The following DNAH17 variants were observed in gnomAD, a reference collection of about 807,000 sequenced individuals.
DNAH17 encodes axonemal beta dynein heavy chain 17.
A neutral mutation model predicts 485.6 loss-of-function variants in DNAH17; 376 were observed. The ratio of observed to expected loss-of-function variants is 0.77; its 90% CI spans 0.71 to 0.84. The LOEUF (loss-of-function observed/expected upper bound fraction) is 0.84, where lower values mean the gene tolerates loss of function less well. Among genes scored for constraint, DNAH17 ranks in the 40% least tolerant of loss-of-function variants. The probability of loss-of-function intolerance (pLI) is 0.00; values close to 1 mark genes in which losing one functional copy is unlikely to be tolerated. For missense variants in DNAH17, 6,370 were observed against 5,839.3 expected (o/e 1.09, Z -2.96); for synonymous variants, 3,031 against 2,405.9 (o/e 1.26, Z -7.60).
chr17:78,497,686 TG>T, intron 37 of DNAH17, among the ~76,000 whole-genome samples: 1 of 152,286 alleles, frequency 6.6e-6, no homozygotes, highest in East Asian at 1.9e-4. Context: ...GGGGAATGAC[TG>T]AGGCAGAGGG....
chr17:78,428,924 TA>T lies in DNAH17; in HGVS notation c.12405+196del, dbSNP rs11409298. ...TTCCCTGAGGCTGCATTTCTTTCTTTAAAAAAAAAAAAAAAAAAAAAAGGTT... is the reference window on the plus strand; with the variant it reads ...TTCCCTGAGGCTGCATTTCTTTCTTTAAAAAAAAAAAAAAAAAAAAAGGTT... On this transcript the variant is annotated intron_variant, in intron 76 of 80. Coordinates refer to ENST00000389840, the MANE Select transcript of DNAH17 (RefSeq NM_173628.4). 2.6e-3 allele frequency among the ~76,000 whole-genome samples: 264 copies of T among 103,286 alleles called. 1 individual carries two copies. The highest frequency in any genetic ancestry group is 0.024 in the Admixed American group (226 of 9,268). 67.8% of individuals were successfully genotyped at this position (103,286 alleles called of 152,430 possible).
At chr17:78,543,085 G>C (rs562136435) in intron 17 of DNAH17, among the ~76,000 whole-genome samples, 1 of 150,766 alleles carries the variant, frequency 6.6e-6, no homozygotes, top group Non-Finnish European at 1.5e-5. Context: ...ACTACTTAAA[G>C]ATAAGGCTCG....
rs3209030 is a variant in DNAH17, at chr17:78,427,070, C to T, written c.12627G>A (p.Pro4209=). ...TGATCTCAGCCATGTTGAAAGTCTC[C>T]GGAATCTTCTCCAGGATGTCGTCCA... is the stretch of plus-strand genomic sequence containing the variant. The part of the protein sequence containing the change: ...AVLDDILEKI[P]ETFNMAEIMA... Residue 4209 remains proline (P), a synonymous_variant, in exon 78 of 81, where the codon CCG becomes CCA. Transcript: ENST00000389840. 0.091 allele frequency: 144,524 copies of T among 1,591,330 alleles called. 7,002 individuals carry two copies. Among genetic ancestry groups the T allele is most frequent in the Middle Eastern group, 0.16 (952 of 6,044 alleles).
intron 56 of DNAH17, among the ~76,000 whole-genome samples, chr17:78,466,441 AT>A (rs2088460086): frequency 6.6e-6 from 1 of 151,284 alleles, no homozygotes; most frequent in South Asian, 2.1e-4. Flanking sequence ...TCAATAAAAA[AT>A]AAATAAATTA....
At chr17:78,539,972 A>G in intron 17 of DNAH17, 92 bp from the exon 18 acceptor site, 2 of 1,307,208 alleles carry the variant, frequency 1.5e-6, no homozygotes, top group Non-Finnish European at 2.0e-6. Context: ...CCGCCCGTCC[A>G]TGTTCACACG....
Position 78,558,144 on chromosome 17 carries a change from C to G in DNAH17, c.2142G>C (p.Val714=). Residue 714 remains valine (V), a synonymous_variant, in exon 14 of 81, where the codon GTG becomes GTC. Transcript: ENST00000389840. ...AGCCAACGATGAGCTCCAGGTTGCC[C>G]ACAAACTTCCGGAAAGTTTCGTTCT... ...FSENETFRKF[V]GNLELIVGWY... is the part of the protein sequence containing the mutation. 2 of 1,613,810 alleles carry G rather than the reference C, an allele frequency of 1.2e-6. No individual in the cohort carries two copies. The highest frequency in any genetic ancestry group is 1.7e-6 in the Non-Finnish European group (2 of 1,179,844).
rs775199916 is a variant in DNAH17, at chr17:78,480,791, G to C, written c.7650-5C>G. The C allele has an allele frequency of 6.2e-7, 1 of 1,607,466 alleles. No individual in the cohort carries two copies. The highest frequency in any genetic ancestry group is 1.7e-5 in the Admixed American group (1 of 59,482). Reference sequence around the variant, plus strand: ...GTCAGCTTATGTCTGTCATACCTGAGGGGGGAAACCAGCATTCATGTTGTG... The same window carrying C: ...GTCAGCTTATGTCTGTCATACCTGACGGGGGAAACCAGCATTCATGTTGTG... On this transcript the variant is annotated splice_polypyrimidine_tract_variant and splice_region_variant and intron_variant, in intron 48 of 80. Coordinates refer to ENST00000389840, the MANE Select transcript of DNAH17 (RefSeq NM_173628.4).
At chr17:78,474,010 A>T (rs1016880112) in intron 54 of DNAH17, among the ~76,000 whole-genome samples, 1 of 152,190 alleles carries the variant, frequency 6.6e-6, no homozygotes, top group African/African-American at 2.4e-5. Flanking sequence ...GCCCCTTTAT[A>T]CATGGAGTAG....
intron 68 of DNAH17, 165 bp downstream of exon 68, chr17:78,450,089 C>T: frequency 1.3e-6 from 1 of 790,920 alleles, no homozygotes; most frequent in Non-Finnish European, 2.0e-6. Context: ...CTGATGGGGG[C>T]CCCTGGCTCC....
At chr17:78,544,535 G>T (rs145291211) in intron 16 of DNAH17, among the ~76,000 whole-genome samples, 2 of 152,196 alleles carry the variant, frequency 1.3e-5, no homozygotes, top group Non-Finnish European at 2.9e-5. Flanking sequence ...GGGCGCGGTG[G>T]CCCATGCCTG....
At position 78,490,765 on chromosome 17, in the gene DNAH17, G is replaced by A. The variant is rs1253197417; in HGVS notation, c.6752C>T (p.Ala2251Val). Reference protein sequence around the residue: ...LVFEISHLRTATPATVSRAGI... With the variant: ...LVFEISHLRTVTPATVSRAGI... ...GGCTCTGGAAACGGTGGCTGGGGTGGCCGTCCTCAGGTGGCTGATTTCGAA... is the reference window on the plus strand; with the variant it reads ...GGCTCTGGAAACGGTGGCTGGGGTGACCGTCCTCAGGTGGCTGATTTCGAA... Residue 2251 changes from alanine to valine, a missense_variant, in exon 44 of 81, where the codon GCC becomes GTC. Coordinates refer to ENST00000389840, the MANE Select transcript of DNAH17 (RefSeq NM_173628.4). The A allele has an allele frequency of 6.2e-7, 1 of 1,605,312 alleles. No homozygotes were observed. Among genetic ancestry groups the A allele is most frequent in the Non-Finnish European group, 8.5e-7 (1 of 1,176,168 alleles).
chr17:78,448,285 G>T (rs147874090), intron 69 of DNAH17, among the ~76,000 whole-genome samples: 9 of 151,712 alleles, frequency 5.9e-5, no homozygotes, highest in African/African-American at 2.2e-4. Flanking sequence ...GATCACTTGA[G>T]CCCAGGAGTT....
intron 54 of DNAH17, among the ~76,000 whole-genome samples, chr17:78,470,375 T>A (rs1399620947): frequency 6.7e-6 from 1 of 149,896 alleles, no homozygotes; most frequent in African/African-American, 2.4e-5. Context: ...GCCGAAAATG[T>A]CTATTTGTCT....
chr17:78,532,009 A>C (rs937702344), intron 20 of DNAH17, among the ~76,000 whole-genome samples: 1 of 152,176 alleles, frequency 6.6e-6, no homozygotes, highest in Non-Finnish European at 1.5e-5. Flanking sequence ...CCCGGAGCCC[A>C]CACCTCCGAC....
chr17:78,551,026 C>A (rs1338120593), intron 16 of DNAH17, among the ~76,000 whole-genome samples: 1 of 152,150 alleles, frequency 6.6e-6, no homozygotes, highest in Non-Finnish European at 1.5e-5. Flanking sequence ...CAAGACCAGC[C>A]TGGGCAACAT....
At position 78,567,077 on chromosome 17, in the gene DNAH17, GGT is replaced by G; in HGVS notation, c.1372_1373del (p.Thr458ProfsTer4). 2 of 1,613,538 alleles carry G rather than the reference GGT, an allele frequency of 1.2e-6. No individual in the cohort carries two copies. Among genetic ancestry groups the G allele is most frequent in the South Asian group, 2.2e-5 (2 of 90,940 alleles). ...GCTCAAAGACCTCATCATAGATACGGGTCACCAGGCTCCCGAGGAGGTTCCCA... is the reference window on the plus strand; with the variant it reads ...GCTCAAAGACCTCATCATAGATACGGCACCAGGCTCCCGAGGAGGTTCCCA... Reference protein sequence around the residue: ...VRGNLLGSLVTRIYDEVFELV... With the variant: ...VRGNLLGSLVXRIYDEVFELV... On this transcript the variant is annotated frameshift_variant, in exon 10 of 81. Coordinates refer to ENST00000389840, the MANE Select transcript of DNAH17 (RefSeq NM_173628.4). LOFTEE classifies it high-confidence loss of function.
At chr17:78,458,473 G>T in intron 62 of DNAH17, 92 bp downstream of exon 62, 1 of 1,095,804 alleles carries the variant, frequency 9.1e-7, no homozygotes, top group Non-Finnish European at 1.4e-6. Flanking sequence ...TTCCACCTGG[G>T]CTCCCTCCTC....
chr17:78,455,063 C>T (rs1011826917), intron 63 of DNAH17, among the ~76,000 whole-genome samples: 6 of 152,196 alleles, frequency 3.9e-5, no homozygotes, highest in African/African-American at 1.4e-4. Context: ...GTGCCCGCCA[C>T]CATGCCCAGC....
chr17:78,553,530 G>A (rs144815607), intron 14 of DNAH17, among the ~76,000 whole-genome samples: 1 of 152,066 alleles, frequency 6.6e-6, no homozygotes, highest in African/African-American at 2.4e-5. Flanking sequence ...TTGAACTCCT[G>A]ACCTCAAATG....
Sources: gnomAD v4.1 joint callset for allele counts (sites outside exome capture counted in the v4.1 genomes callset) on GRCh38, gnomAD v4.1.1 for gene constraint, MANE v1.5 for transcripts, NCBI Gene and HGNC (gene_info 2026-07-23, HGNC 2026-07-21) for gene names.